The following TRMU variants were observed in gnomAD, a reference collection of about 807,000 sequenced individuals.
TRMU encodes tRNA mitochondrial 2-thiouridylase.
Under a neutral mutation model 46.9 loss-of-function variants are expected in TRMU, and 49 were observed. That is an observed-to-expected ratio of 1.05 (90% confidence interval 0.83 to 1.33). The LOEUF is 1.33. Among genes scored for constraint, TRMU ranks in the 40% most tolerant of loss-of-function variants. The probability of loss-of-function intolerance (pLI) is 0.00; values close to 1 mark genes in which losing one functional copy is unlikely to be tolerated. For synonymous variants in TRMU, 241 were observed against 200.9 expected (o/e 1.20, Z -1.69); for missense variants, 572 against 532.4 (o/e 1.07, Z -0.73).
intron 1 of TRMU, among the ~76,000 whole-genome samples, chr22:46,337,239 T>G (rs934953313): frequency 6.6e-6 from 1 of 152,208 alleles, no homozygotes; most frequent in Non-Finnish European, 1.5e-5. Flanking sequence ...TGTAGTTTGC[T>G]AAGGTGGTGT....
chr22:46,354,095 G>T, intron 8 of TRMU: 1 of 495,424 alleles, frequency 2.0e-6, no homozygotes, highest in African/African-American at 1.9e-5. Context: ...AATCATCCCT[G>T]AACCCCGATA....
In TRMU at chr22:46,337,777, A is replaced by G. The variant is rs747853875; in HGVS notation, c.83-2A>G. 7.4e-6 allele frequency: 12 copies of G among 1,614,086 alleles called. No homozygotes were observed. Among genetic ancestry groups the G allele is most frequent in the Non-Finnish European group, 1.0e-5 (12 of 1,180,030 alleles). On this transcript the variant is annotated splice_acceptor_variant, in intron 1 of 10. Transcript: ENST00000645190. LOFTEE classifies it high-confidence loss of function. ...CTCTTTAATTGACCTTCCCGCCCGC[A>G]GGTTACCAGGTGACAGGGGTGTTTA...
chr22:46,356,934 C>T lies in TRMU; in HGVS notation c.1194C>T (p.Arg398=), dbSNP rs530407888. The change falls in exon 11 of 11, where the codon CGC becomes CGT. Residue 398 remains arginine (R), a synonymous_variant. Coordinates refer to ENST00000645190, the MANE Select transcript of TRMU (RefSeq NM_018006.5). ...CCTACACGCTCCAGAAGGGCCAGCG[C>T]AGAGCTGGGATGGCCACTGAGAGCC... The part of the protein sequence containing the change: ...PSAYTLQKGQ[R]RAGMATESPS... 4 of 1,613,276 alleles carry T rather than the reference C, an allele frequency of 2.5e-6. No individual in the cohort carries two copies. The highest frequency in any genetic ancestry group is 2.7e-5 in the African/African-American group (2 of 75,056).
rs2078413752 is a variant in TRMU, at chr22:46,351,237, G to A, written c.651+774G>A. ...GAAGCCAGGGAGCCGCTGTGGGGGT[G>A]CCTGCCTGTGGCCCCAGCTCCTCAG... is the stretch of plus-strand genomic sequence containing the variant. On this transcript the variant is annotated intron_variant, in intron 5 of 10. Transcript: ENST00000645190. This position sits in a 1 kb window ranked among gnomAD's most constrained non-coding sequence, Gnocchi z 6.4. Among the ~76,000 whole-genome samples the A allele has an allele frequency of 6.6e-6, 1 of 152,220 alleles. No homozygotes were observed. The highest frequency in any genetic ancestry group is 1.5e-5 in the Non-Finnish European group (1 of 68,046).
Position 46,337,904 on chromosome 22 carries a change from C to T in TRMU, c.208C>T (p.Gln70Ter), listed in dbSNP as rs1429479639. Residue 70 changes from glutamine (Q) to a stop codon, truncating the protein, a stop_gained, in exon 2 of 11, where the codon CAA (glutamine) becomes TAA (stop). Coordinates refer to ENST00000645190, the MANE Select transcript of TRMU (RefSeq NM_018006.5). LOFTEE classifies it high-confidence loss of function. Reference sequence around the variant, plus strand: ...CCAGATCTTAGACATCCCTTTCCATCAAGTGTCCTACGTAAAGGAGTATTG... The same window carrying T: ...CCAGATCTTAGACATCCCTTTCCATTAAGTGTCCTACGTAAAGGAGTATTG... ...VCQILDIPFH[Q>*]VSYVKEYWND... 1.2e-6 allele frequency: 2 copies of T among 1,614,224 alleles called. No individual in the cohort carries two copies. The highest frequency in any genetic ancestry group is 1.7e-6 in the Non-Finnish European group (2 of 1,180,042).
Position 46,336,116 on chromosome 22 carries a change from CG to C in TRMU, c.82+272del. 1 of 1,330,074 alleles carries C rather than the reference CG, an allele frequency of 7.5e-7. No individual in the cohort carries two copies. The highest frequency in any genetic ancestry group is 1.7e-5 in the South Asian group (1 of 59,686). The allele number at this position is 1,330,074 out of a possible 1,614,324, so 82.4% of individuals were successfully genotyped here. A position where few individuals can be genotyped will look rare whatever the true frequency, so the allele number is the denominator to read the frequency against. On this transcript the variant is annotated intron_variant, in intron 1 of 10. Coordinates refer to ENST00000645190, the MANE Select transcript of TRMU (RefSeq NM_018006.5). This position sits in a 1 kb window ranked among gnomAD's most constrained non-coding sequence, Gnocchi z 4.1. ...CGCGCGCCCACCCACAGTGAGAAGC[CG>C]GCGGGCCGGGGTGGGGTGGGGAGGG...
Position 46,350,152 on chromosome 22 carries a change from C to A in TRMU, c.479-139C>A. The A allele has an allele frequency of 1.1e-6, 1 of 936,996 alleles. No individual in the cohort carries two copies. The highest frequency in any genetic ancestry group is 2.3e-5 in the Admixed American group (1 of 43,296). The allele number at this position is 936,996 out of a possible 1,614,324, so 58.0% of individuals were successfully genotyped here. ...ACATTAACCCGTGGTGGTCTTTTCC[C>A]TAGTAGTTGCTATTGAGTGTTGATG... On this transcript the variant is annotated intron_variant, in intron 4 of 10. Coordinates refer to ENST00000645190, the MANE Select transcript of TRMU (RefSeq NM_018006.5). The surrounding 1 kb of genome is among the most constrained non-coding windows in gnomAD (Gnocchi z 4.6).
Position 46,357,033 on chromosome 22 carries a change from T to C in TRMU, c.*27T>C, listed in dbSNP as rs2078634933. 2.5e-6 allele frequency: 4 copies of C among 1,612,968 alleles called. No individual in the cohort carries two copies. The highest frequency in any genetic ancestry group is 3.4e-6 in the Non-Finnish European group (4 of 1,179,898). On this transcript the variant is annotated 3_prime_UTR_variant, in exon 11 of 11. Coordinates refer to ENST00000645190, the MANE Select transcript of TRMU (RefSeq NM_018006.5). ...AGAGATGGATCTGCTAGAAGGAACC[T>C]GGAGAGCAGGACCCATGGCTGGGCG...
intron 10 of TRMU, chr22:46,356,433 G>A (rs1382639423): frequency 7.1e-6 from 3 of 424,522 alleles, no homozygotes; most frequent in Non-Finnish European, 1.3e-5. Flanking sequence ...CAGGGTGGGC[G>A]CCTGGTGGGT....
chr22:46,352,747 C>A, intron 7 of TRMU: 1 of 339,422 alleles, frequency 2.9e-6, no homozygotes, highest in South Asian at 2.4e-5. Flanking sequence ...TGGGATCAGG[C>A]GTCCGCGCTG....
Position 46,343,262 on chromosome 22 carries a change from T to C in TRMU, c.249T>C (p.Ser83=). Residue 83 remains serine (S), a splice_region_variant and synonymous_variant, in exon 3 of 11, where the codon AGT becomes AGC. Coordinates refer to ENST00000645190, the MANE Select transcript of TRMU (RefSeq NM_018006.5). Reference sequence around the variant, plus strand: ...CTGAAGTCATTTTCTTTTATTCTAGTGACTTTTTGAATGAGTATGAAAAAG... The same window carrying C: ...CTGAAGTCATTTTCTTTTATTCTAGCGACTTTTTGAATGAGTATGAAAAAG... ...YVKEYWNDVF[S]DFLNEYEKGR... 8.7e-6 allele frequency: 14 copies of C among 1,609,074 alleles called. No individual in the cohort carries two copies. Among genetic ancestry groups the C allele is most frequent in the Non-Finnish European group, 1.1e-5 (13 of 1,175,890 alleles).
chr22:46,340,817 G>A (rs948493338), intron 2 of TRMU, among the ~76,000 whole-genome samples: 7 of 152,350 alleles, frequency 4.6e-5, no homozygotes, highest in African/African-American at 7.2e-5. Flanking sequence ...GCCTTCTGGC[G>A]CTGCTTGATA....
chr22:46,346,690 G>C (rs1253348246), intron 4 of TRMU, 146 bp downstream of exon 4: 16 of 1,038,530 alleles, frequency 1.5e-5, no homozygotes, highest in Non-Finnish European at 2.0e-5. Context: ...ATTTGAAAAG[G>C]TGCAGTTACC....
At chr22:46,356,593 G>C (rs920989774) in intron 10 of TRMU, 1 of 559,218 alleles carries the variant, frequency 1.8e-6, no homozygotes, top group African/African-American at 1.9e-5. Context: ...TGGAGTCCCA[G>C]GAGAGGCCCC....
Position 46,347,142 on chromosome 22 carries a change from C to T in TRMU, c.478+598C>T, listed in dbSNP as rs1245871717. Among the ~76,000 whole-genome samples, 1 of 152,170 alleles carries T rather than the reference C, an allele frequency of 6.6e-6. No individual in the cohort carries two copies. Among genetic ancestry groups the T allele is most frequent in the African/African-American group, 2.4e-5 (1 of 41,438 alleles). On this transcript the variant is annotated intron_variant, in intron 4 of 10. Transcript: ENST00000645190. The surrounding 1 kb of genome is among the most constrained non-coding windows in gnomAD (Gnocchi z 5.0). ...TTCGTGTGTAGAAAAGAGGAATTCC[C>T]TGTATTGTTGAGTGAAAAACCAAGT...
Position 46,351,601 on chromosome 22 carries a change from G to A in TRMU, c.652-520G>A, listed in dbSNP as rs572058284. The A allele has an allele frequency of 4.5e-6, 1 of 220,010 alleles. No individual in the cohort carries two copies. The highest frequency in any genetic ancestry group is 5.2e-5 in the Admixed American group (1 of 19,214). 13.6% of individuals were successfully genotyped at this position (220,010 alleles called of 1,614,324 possible). On this transcript the variant is annotated intron_variant, in intron 5 of 10. Coordinates refer to ENST00000645190, the MANE Select transcript of TRMU (RefSeq NM_018006.5). The surrounding 1 kb of genome is among the most constrained non-coding windows in gnomAD (Gnocchi z 6.4). ...TGGGAGCCGCAGGGATGGAAGGGCA[G>A]TCTTGAGAGACACAAACCAGAGTAA...
At chr22:46,355,865 GCCCTGCCCTTC>G in intron 9 of TRMU, 114 bp from the exon 10 acceptor site, 1 of 1,166,400 alleles carries the variant, frequency 8.6e-7, no homozygotes, top group East Asian at 2.5e-5. Flanking sequence ...CCAGGCTGGT[GCCCTGCCCTTC>G]CCCTCTAAGC....
intron 7 of TRMU, 199 bp from the exon 8 acceptor site, chr22:46,353,568 A>C (rs538183156): frequency 6.7e-5 from 36 of 535,262 alleles, no homozygotes; most frequent in African/African-American, 6.0e-4. Context: ...TGTCCAGCCC[A>C]GGCCTGGACA....
At position 46,342,896 on chromosome 22, in the gene TRMU, C is replaced by T. The variant is rs191221722; in HGVS notation, c.249-366C>T. Among the ~76,000 whole-genome samples the T allele has an allele frequency of 2.0e-4, 30 of 152,374 alleles. No individual in the cohort carries two copies. The highest frequency in any genetic ancestry group is 5.8e-4 in the African/African-American group (24 of 41,598). Reference sequence around the variant, plus strand: ...TCTGCAAGGGAAGTCTAAAGGATTTCATTTCCACTGTCACTCAGGCATCTT... The same window carrying T: ...TCTGCAAGGGAAGTCTAAAGGATTTTATTTCCACTGTCACTCAGGCATCTT... On this transcript the variant is annotated intron_variant, in intron 2 of 10. Transcript: ENST00000645190. The surrounding 1 kb of genome is among the most constrained non-coding windows in gnomAD (Gnocchi z 4.7).
Sources: gnomAD v4.1 joint callset for allele counts (sites outside exome capture counted in the v4.1 genomes callset) on GRCh38, gnomAD v4.1.1 for gene constraint, Gnocchi (gnomAD v3.1) non-coding constraint, MANE v1.5 for transcripts, NCBI Gene and HGNC (gene_info 2026-07-23, HGNC 2026-07-21) for gene names.